The following BDH2 variants were observed in gnomAD, a reference collection of about 807,000 sequenced individuals.
BDH2 encodes 3-hydroxybutyrate dehydrogenase 2.
In BDH2, 24 loss-of-function variants were observed where a neutral mutation model predicts 33.2. That is an observed-to-expected ratio of 0.72 (90% confidence interval 0.52 to 1.02). The LOEUF (loss-of-function observed/expected upper bound fraction) is 1.02, where lower values mean the gene tolerates loss of function less well. BDH2 is among the 50% of genes least tolerant of loss of function. BDH2 has a pLI of 0.00. For missense variants in BDH2, 249 were observed against 301.6 expected, an observed-to-expected ratio of 0.83 and a Z score of 1.29; for synonymous variants, 81 against 101.6, an observed-to-expected ratio of 0.80 and a Z score of 1.22.
rs578151531 is a variant in BDH2 at position 103,078,809 on chromosome 4, G to A, written c.*893C>T. On this transcript the variant is annotated 3_prime_UTR_variant, in exon 10 of 10. Transcript: ENST00000296424. ...GGGTCTTGCTCTGTCACCCTGGAGT[G>A]CAGTGGCATGATTACAGCTCACTGC... Among the ~76,000 whole-genome samples, 9 of 152,136 alleles carry A rather than the reference G, an allele frequency of 5.9e-5. No individual in the cohort carries two copies.
At chr4:103,092,746 G>A (rs1418307333) in intron 3 of BDH2, 50 bp from the exon 4 acceptor site, 5 of 1,365,814 alleles carry the variant, frequency 3.7e-6, no homozygotes, top group Non-Finnish European at 5.2e-6. Flanking sequence ...TAGCCTTGAA[G>A]GTTTAGCTGT....
intron 3 of BDH2, among the ~76,000 whole-genome samples, chr4:103,093,336 C>T (rs899816992): frequency 6.6e-6 from 1 of 151,772 alleles, no homozygotes. Context: ...TCAAGGGTAT[C>T]CAGTCAAATA....
At chr4:103,092,963 C>G (rs1748185742) in intron 3 of BDH2, among the ~76,000 whole-genome samples, 1 of 152,126 alleles carries the variant, frequency 6.6e-6, no homozygotes, top group Admixed American at 6.6e-5. Flanking sequence ...TGAGCAATGG[C>G]TTTATAGTAA....
chr4:103,091,320 C>A, intron 4 of BDH2, 35 bp from the exon 5 acceptor site: 1 of 1,445,474 alleles, frequency 6.9e-7, no homozygotes, highest in South Asian at 1.2e-5. Flanking sequence ...AGAATAACTG[C>A]CATTAAAATT....
chr4:103,085,533 A>G (rs925250221), intron 6 of BDH2, 71 bp from the exon 7 acceptor site: 24 of 1,466,216 alleles, frequency 1.6e-5, no homozygotes, highest in Non-Finnish European at 2.2e-5. Flanking sequence ...GGTAACACAA[A>G]TAAGTTTTCC....
intron 6 of BDH2, chr4:103,086,120 CCTA>C: frequency 9.1e-7 from 1 of 1,095,800 alleles, no homozygotes; most frequent in Non-Finnish European, 1.1e-6. Flanking sequence ...CTGCCTTGCT[CCTA>C]GTTTTGGACT....
chr4:103,082,270 G>T, intron 8 of BDH2, 97 bp from the exon 9 acceptor site: 2 of 1,018,752 alleles, frequency 2.0e-6, no homozygotes, highest in Non-Finnish European at 3.0e-6. Flanking sequence ...GAATCCACTG[G>T]CTTGCTGCCT....
intron 5 of BDH2, among the ~76,000 whole-genome samples, chr4:103,089,276 G>A (rs1269799769): frequency 6.6e-6 from 1 of 152,136 alleles, no homozygotes; most frequent in East Asian, 1.9e-4. Flanking sequence ...TCATTTTTTA[G>A]CTAAAAGAAA....
chr4:103,086,963 CA>C (rs1298847885), intron 5 of BDH2, among the ~76,000 whole-genome samples: 2 of 152,180 alleles, frequency 1.3e-5, no homozygotes, highest in Non-Finnish European at 2.9e-5. Context: ...CTACAGGAGG[CA>C]ACCAGTCTGG....
In BDH2 at chr4:103,082,785, C is replaced by G. The variant is rs1747585653; in HGVS notation, c.591+86G>C. On this transcript the variant is annotated intron_variant, in intron 8 of 9. Coordinates refer to ENST00000296424, the MANE Select transcript of BDH2 (RefSeq NM_020139.4). ...CCCCTGGCAACTACCATTTCACTTT[C>G]TGTCTCTATGAATTTGTCTGCTATA... 2.2e-5 allele frequency: 27 copies of G among 1,205,184 alleles called. No individual in the cohort carries two copies. The South Asian group carries it at 3.2e-4, about 14-fold the overall frequency. The allele number at this position is 1,205,184 out of a possible 1,614,324, so 74.7% of individuals were successfully genotyped here.
chr4:103,093,764 T>A lies in BDH2; in HGVS notation c.152-1068A>T, dbSNP rs181166712. Among the ~76,000 whole-genome samples, 169 of 147,728 alleles carry A rather than the reference T, an allele frequency of 1.1e-3. 2 individuals carry two copies. Among genetic ancestry groups the A allele is most frequent in the African/African-American group, 3.9e-3 (161 of 40,822 alleles). ...ATAATTATCTATAATGTGTATTATA[T>A]TTTATAATTTATAATATATTATAAA... On this transcript the variant is annotated intron_variant, in intron 3 of 9. Coordinates refer to ENST00000296424, the MANE Select transcript of BDH2 (RefSeq NM_020139.4).
chr4:103,087,164 T>C (rs1747830800), intron 5 of BDH2, among the ~76,000 whole-genome samples: 2 of 152,028 alleles, frequency 1.3e-5, no homozygotes, highest in South Asian at 4.2e-4. Context: ...AAAGGATGTT[T>C]TGAGGAGTGG....
intron 7 of BDH2, among the ~76,000 whole-genome samples, chr4:103,084,498 A>C (rs1747676489): frequency 6.6e-6 from 1 of 152,172 alleles, no homozygotes; most frequent in African/African-American, 2.4e-5. Context: ...CATATTTTCC[A>C]ATCTCCTGAT....
At chr4:103,088,497 A>C (rs1578504648) in intron 5 of BDH2, among the ~76,000 whole-genome samples, 1 of 93,748 alleles carries the variant, frequency 1.1e-5, no homozygotes, top group Admixed American at 1.1e-4. Flanking sequence ...TAGAGCCCCT[A>C]GTCAGTACCT....
intron 9 of BDH2, among the ~76,000 whole-genome samples, chr4:103,081,301 ATATT>A (rs986112304): frequency 3.3e-5 from 5 of 152,198 alleles, no homozygotes; most frequent in African/African-American, 1.2e-4. Flanking sequence ...ATTTTTAAAA[ATATT>A]TATTTATTTT....
Position 103,095,253 on chromosome 4 carries a change from A to G in BDH2, c.101T>C (p.Ile34Thr), listed in dbSNP as rs1268989820. ...TTTGGACTCATTAATGTCTGTGGCT[A>G]TGACTTTGGCACCTTCTCTTGCAAA... is the stretch of plus-strand genomic sequence containing the variant. ...LAFAREGAKV[I>T]ATDINESKLQ... The change falls in exon 3 of 10, where the codon ATA becomes ACA. Residue 34 changes from isoleucine (I) to threonine (T), a missense_variant. Ile to Thr is a moderately conservative substitution (Grantham distance 89). Transcript: ENST00000296424. 1 of 1,613,858 alleles carries G rather than the reference A, an allele frequency of 6.2e-7. No individual in the cohort carries two copies. The highest frequency in any genetic ancestry group is 1.1e-5 in the South Asian group (1 of 91,082).
chr4:103,096,323 G>T, intron 1 of BDH2, 49 bp from the exon 2 acceptor site: 1 of 1,222,814 alleles, frequency 8.2e-7, no homozygotes, highest in Non-Finnish European at 1.2e-6. Context: ...ATGATCTTGA[G>T]CAGGCAGTAA....
At chr4:103,086,398 CTGCTA>C in intron 6 of BDH2, 77 bp downstream of exon 6, 5 of 1,517,828 alleles carry the variant, frequency 3.3e-6, no homozygotes, top group East Asian at 2.4e-5. Context: ...ATTATAATCT[CTGCTA>C]TGCCTGTTCC....
chr4:103,080,920 T>C (rs1220347215), intron 9 of BDH2, among the ~76,000 whole-genome samples: 1 of 152,206 alleles, frequency 6.6e-6, no homozygotes, highest in Non-Finnish European at 1.5e-5. Flanking sequence ...TTGTTAATAG[T>C]TGGGAGAAGT....
Sources: allele counts gnomAD v4.1 joint callset (sites outside exome capture counted in the v4.1 genomes callset), GRCh38; gene constraint gnomAD v4.1.1; transcripts MANE v1.5; gene names NCBI Gene and HGNC (gene_info 2026-07-23, HGNC 2026-07-21).